TCF4: variants seen among roughly 807,000 people sequenced by gnomAD.
TCF4 encodes the protein transcription factor 4, also known as SL3-3 enhancer factor 2.
Under a neutral mutation model 82.1 loss-of-function variants are expected in TCF4, and 3 were observed. The ratio of observed to expected loss-of-function variants is 0.04; its 90% CI spans 0.02 to 0.09. The LOEUF (loss-of-function observed/expected upper bound fraction) is 0.09, where lower values mean the gene tolerates loss of function less well. Ranked by LOEUF, TCF4 falls within the 10% of genes least tolerant of loss-of-function variation. TCF4 has a pLI of 1.00. For missense variants in TCF4, 518 were observed against 852.7 expected, an observed-to-expected ratio of 0.61 and a Z score of 4.89; for synonymous variants, 276 against 309.6, an observed-to-expected ratio of 0.89 and a Z score of 1.14.
intron 15 of TCF4, among the ~76,000 whole-genome samples, chr18:55,243,783 G>A (rs1362061640): frequency 1.3e-5 from 2 of 152,084 alleles, no homozygotes; most frequent in African/African-American, 4.8e-5. Context: ...TTTAGAGTCA[G>A]GTTGGAGAAC....
At chr18:55,528,267 T>C (rs2097015356) in intron 3 of TCF4, among the ~76,000 whole-genome samples, 1 of 152,228 alleles carries the variant, frequency 6.6e-6, no homozygotes. Context: ...CTTAGGTATC[T>C]AATGTTTGGT....
intron 3 of TCF4, among the ~76,000 whole-genome samples, chr18:55,529,756 A>G (rs896527603): frequency 3.9e-5 from 6 of 152,128 alleles, no homozygotes; most frequent in African/African-American, 1.2e-4. Flanking sequence ...TAAATTGCCA[A>G]TGTTTACTCT....
intron 8 of TCF4, among the ~76,000 whole-genome samples, chr18:55,324,930 A>G (rs528819028): frequency 6.6e-6 from 1 of 152,204 alleles, no homozygotes; most frequent in Non-Finnish European, 1.5e-5. Context: ...CTAGAATCTA[A>G]AGTTTACAGT....
intron 8 of TCF4, chr18:55,322,338 T>C (rs2075782899): frequency 9.9e-7 from 1 of 1,015,220 alleles, no homozygotes; most frequent in Non-Finnish European, 1.2e-6. Context: ...AACTCTGCCA[T>C]CTGTCTCTGC....
chr18:55,392,308 C>T (rs1203109557), intron 6 of TCF4, among the ~76,000 whole-genome samples: 1 of 151,712 alleles, frequency 6.6e-6, no homozygotes, highest in East Asian at 2.0e-4. Flanking sequence ...TATTTTCTAT[C>T]CTGACTGGTT....
chr18:55,543,114 T>A (rs1307663200), intron 3 of TCF4, among the ~76,000 whole-genome samples: 1 of 152,104 alleles, frequency 6.6e-6, no homozygotes, highest in Non-Finnish European at 1.5e-5. Flanking sequence ...GAAATTAGTA[T>A]CTTTGTAACA....
chr18:55,358,246 G>A (rs948470423), intron 6 of TCF4, among the ~76,000 whole-genome samples: 2 of 152,176 alleles, frequency 1.3e-5, no homozygotes, highest in Non-Finnish European at 2.9e-5. Context: ...TGATCAAATC[G>A]AGGTCTTAAA....
chr18:55,609,463 TC>T (rs879455283), intron 2 of TCF4, among the ~76,000 whole-genome samples: 2 of 152,132 alleles, frequency 1.3e-5, no homozygotes, highest in Non-Finnish European at 2.9e-5. Flanking sequence ...GAGATGCTGT[TC>T]CCACCAGCAG....
At chr18:55,579,842 T>C (rs1292996622) in intron 3 of TCF4, among the ~76,000 whole-genome samples, 2 of 152,154 alleles carry the variant, frequency 1.3e-5, no homozygotes, top group East Asian at 3.9e-4. Flanking sequence ...TTGTTTATCA[T>C]AGCAGATGAA....
intron 3 of TCF4, among the ~76,000 whole-genome samples, chr18:55,545,052 C>T (rs1386158932): frequency 6.6e-6 from 1 of 152,180 alleles, no homozygotes; most frequent in African/African-American, 2.4e-5. Flanking sequence ...TAGAAAGAGA[C>T]TAAAGTGCTG....
intron 6 of TCF4, among the ~76,000 whole-genome samples, chr18:55,399,702 T>C (rs1354208085): frequency 2.6e-5 from 4 of 152,144 alleles, no homozygotes; most frequent in Non-Finnish European, 5.9e-5. Context: ...CAGGGTATAT[T>C]TCTACAGAAC....
chr18:55,588,251 G>T, upstream of TCF4: 1 of 1,423,544 alleles, frequency 7.0e-7, no homozygotes. Context: ...GGGAGGGGAG[G>T]GGACGGAGGG....
intron 2 of TCF4, among the ~76,000 whole-genome samples, chr18:55,628,016 C>T (rs887993051): frequency 3.3e-5 from 5 of 151,212 alleles, no homozygotes; most frequent in African/African-American, 9.7e-5. Flanking sequence ...GCCATGATCG[C>T]GCCACTGCAC....
At chr18:55,577,241 TATGTATATACATATTTATAC>T (rs2097538691) in intron 3 of TCF4, among the ~76,000 whole-genome samples, 1 of 146,974 alleles carries the variant, frequency 6.8e-6, no homozygotes, top group African/African-American at 2.5e-5. Flanking sequence ...TATATTTATA[TATGTATATACATATTTATAC>T]ATATATGTGT....
At chr18:55,513,584 A>G (rs1445529678) in intron 3 of TCF4, among the ~76,000 whole-genome samples, 1 of 152,150 alleles carries the variant, frequency 6.6e-6, no homozygotes, top group East Asian at 1.9e-4. Context: ...ACTACTCTCA[A>G]AGCTACCATT....
At chr18:55,429,784 A>AAG (rs1178901325) in intron 5 of TCF4, among the ~76,000 whole-genome samples, 2 of 150,834 alleles carry the variant, frequency 1.3e-5, no homozygotes, top group Non-Finnish European at 3.0e-5. Context: ...AAAAAAAAAA[A>AAG]AAAAACAATT....
intron 5 of TCF4, among the ~76,000 whole-genome samples, chr18:55,449,174 A>T (rs1306149572): frequency 6.6e-6 from 1 of 152,108 alleles, no homozygotes; most frequent in Non-Finnish European, 1.5e-5. Flanking sequence ...TCACACAAAG[A>T]TCATTTCGTA....
chr18:55,466,390 G>T (rs1051113984), intron 3 of TCF4, among the ~76,000 whole-genome samples: 1 of 152,054 alleles, frequency 6.6e-6, no homozygotes, highest in Non-Finnish European at 1.5e-5. Context: ...TAGCTAATTG[G>T]AGGGGCCGAG....
rs113909003 is a variant in TCF4, at chr18:55,413,487, A to G, written c.305-9969T>C. ...AGATCAACTTCAAGAGAATGGGCCC[A>G]TAATAATAACCAAACTGCCAGATAC... On this transcript the variant is annotated intron_variant, in intron 5 of 19. Transcript: ENST00000354452. Among the ~76,000 whole-genome samples the G allele has an allele frequency of 1.3e-3, 199 of 152,332 alleles. 2 individuals are homozygous for G. The highest frequency in any genetic ancestry group is 2.2e-3 in the Non-Finnish European group (149 of 68,024).
Sources: allele counts gnomAD v4.1 joint callset (sites outside exome capture counted in the v4.1 genomes callset), GRCh38; gene constraint gnomAD v4.1.1; transcripts MANE v1.5; gene names NCBI Gene and HGNC (gene_info 2026-07-23, HGNC 2026-07-21).